The following LARP1 variants were observed in gnomAD, a reference collection of about 807,000 sequenced individuals.
The protein encoded by LARP1 is La ribonucleoprotein 1, translational regulator, also known as la-related protein 1.
In LARP1, 36 loss-of-function variants were observed where a neutral mutation model predicts 122.7. The observed-to-expected ratio is 0.29, with a 90% confidence interval of 0.22 to 0.39. The LOEUF (loss-of-function observed/expected upper bound fraction) is 0.39. LARP1 is among the 10% of genes least tolerant of loss of function. LARP1 has a pLI of 1.00. For synonymous variants in LARP1, 539 were observed against 528.7 expected, an observed-to-expected ratio of 1.02 and a Z score of -0.27; for missense variants, 1,040 against 1,403.6, an observed-to-expected ratio of 0.74 and a Z score of 4.14.
At chr5:154,749,804 TG>T (rs1582275636) in intron 1 of LARP1, among the ~76,000 whole-genome samples, 1 of 152,256 alleles carries the variant, frequency 6.6e-6, no homozygotes, top group African/African-American at 2.4e-5. Context: ...CAAGGCTCTT[TG>T]GAAAACCCAA....
At position 154,811,601 on chromosome 5, in the gene LARP1, C is replaced by T. The variant is rs1759279026; in HGVS notation, c.3042C>T (p.Tyr1014=). 6.2e-7 allele frequency: 1 copy of T among 1,614,190 alleles called. No individual in the cohort carries two copies. Among genetic ancestry groups the T allele is most frequent in the African/African-American group, 1.3e-5 (1 of 75,048 alleles). The change falls in exon 18 of 19, where the codon TAC becomes TAT. Residue 1014 remains tyrosine, a synonymous_variant. Transcript: ENST00000518297. ...ACATTGACCCCAAACTGCAAGAATA[C>T]CTCGGCAAATTCCGACGTCTTGAAG... is the stretch of plus-strand genomic sequence containing the variant. ...NLDIDPKLQE[Y]LGKFRRLEDF...
chr5:154,804,952 A>G, intron 14 of LARP1: 1 of 455,908 alleles, frequency 2.2e-6, no homozygotes. Context: ...AGCTGCACAC[A>G]GTTGAAAATC....
At chr5:154,759,917 AAGTT>A (rs1366992750) in intron 1 of LARP1, among the ~76,000 whole-genome samples, 2 of 142,526 alleles carry the variant, frequency 1.4e-5, no homozygotes, top group Non-Finnish European at 3.1e-5. Context: ...AGGCTGGGCT[AAGTT>A]TGTTTGTTTG....
intron 18 of LARP1, 106 bp downstream of exon 18, chr5:154,811,746 C>G (rs1759295825): frequency 7.5e-7 from 1 of 1,331,570 alleles, no homozygotes; most frequent in Admixed American, 2.0e-5. Context: ...CCAGGAACCC[C>G]TCTCCCTGCT....
At chr5:154,773,017 GT>G (rs1397072666) in intron 1 of LARP1, among the ~76,000 whole-genome samples, 1 of 120,506 alleles carries the variant, frequency 8.3e-6, no homozygotes, top group Admixed American at 9.9e-5. Context: ...AGACCTTGCT[GT>G]TCTATCCTTT....
intron 1 of LARP1, among the ~76,000 whole-genome samples, chr5:154,688,238 G>A (rs1754027254): frequency 1.3e-5 from 2 of 152,018 alleles, no homozygotes; most frequent in Admixed American, 6.5e-5. Context: ...CCGGGGAGGG[G>A]GTGTGCTGTG....
rs112379773 is a variant in LARP1 at position 154,687,660 on chromosome 5, C to G, written c.-180+4623C>G. Among the ~76,000 whole-genome samples the G allele has an allele frequency of 8.3e-3, 1,267 of 152,258 alleles. 3 individuals carry two copies. The highest frequency in any genetic ancestry group is 0.012 in the South Asian group (60 of 4,824). Reference sequence around the variant, plus strand: ...CCTCCCAAAGTGCTGGGATTACAGGCGTGAGCCACTGCGCCCGGCCTGTAT... The same window carrying G: ...CCTCCCAAAGTGCTGGGATTACAGGGGTGAGCCACTGCGCCCGGCCTGTAT... On this transcript the variant is annotated intron_variant, in intron 1 of 18. Transcript: ENST00000687700.
At chr5:154,697,770 GA>G (rs1258506467) in intron 1 of LARP1, among the ~76,000 whole-genome samples, 1 of 152,152 alleles carries the variant, frequency 6.6e-6, no homozygotes, top group Non-Finnish European at 1.5e-5. Flanking sequence ...GTGCAGGGGG[GA>G]TAGAAAGACT....
At chr5:154,706,171 T>C (rs1044057098) in intron 1 of LARP1, among the ~76,000 whole-genome samples, 1 of 152,002 alleles carries the variant, frequency 6.6e-6, no homozygotes, top group Non-Finnish European at 1.5e-5. Context: ...GGCAGGGACC[T>C]ATAATCCCAG....
intron 1 of LARP1, among the ~76,000 whole-genome samples, chr5:154,690,038 C>A (rs1414691039): frequency 2.6e-5 from 4 of 151,388 alleles, no homozygotes; most frequent in African/African-American, 9.7e-5. Context: ...CAGACTCTGT[C>A]TCCAAAAAAA....
rs1424265361 is a variant in LARP1, at chr5:154,816,664, A to C, written c.*2568A>C. 6.5e-6 allele frequency: 1 copy of C among 152,674 alleles called. No homozygotes were observed. Among genetic ancestry groups the C allele is most frequent in the East Asian group, 1.9e-4 (1 of 5,200 alleles). 9.5% of individuals were successfully genotyped at this position (152,674 alleles called of 1,614,324 possible). A position where few individuals can be genotyped will look rare whatever the true frequency, so the allele number is the denominator to read the frequency against. ...GATGTATCTGTGACAAGCATGCCAGAAGTGGCAGGGGCCATCAGGGCTAAC... is the reference window on the plus strand; with the variant it reads ...GATGTATCTGTGACAAGCATGCCAGCAGTGGCAGGGGCCATCAGGGCTAAC... On this transcript the variant is annotated 3_prime_UTR_variant, in exon 19 of 19. Transcript: ENST00000518297.
At chr5:154,722,249 A>G (rs1755917583) in intron 1 of LARP1, among the ~76,000 whole-genome samples, 2 of 151,380 alleles carry the variant, frequency 1.3e-5, no homozygotes, top group African/African-American at 4.9e-5. Context: ...CAGCATCCCT[A>G]CCTCCTCCTG....
chr5:154,765,271 G>A (rs942082003), intron 1 of LARP1, among the ~76,000 whole-genome samples: 4 of 152,172 alleles, frequency 2.6e-5, no homozygotes, highest in East Asian at 1.9e-4. Flanking sequence ...TGCTCTTCCC[G>A]CAGATCACTG....
At chr5:154,776,237 C>T (rs1354079733) in intron 1 of LARP1, among the ~76,000 whole-genome samples, 1 of 152,204 alleles carries the variant, frequency 6.6e-6, no homozygotes, top group East Asian at 1.9e-4. Flanking sequence ...GAGGCAAAAG[C>T]AGGTGGACAA....
intron 10 of LARP1, 81 bp downstream of exon 10, chr5:154,800,123 C>T: frequency 7.7e-7 from 1 of 1,305,250 alleles, no homozygotes; most frequent in Non-Finnish European, 1.1e-6. Context: ...GGGCACAGCA[C>T]TCTAGCTCTG....
rs796146903 is a variant in LARP1 at position 154,715,518 on chromosome 5, C to T, written c.205+2388C>T. On this transcript the variant is annotated intron_variant, in intron 1 of 18. Transcript: ENST00000336314. The stretch of plus-strand genomic sequence containing the variant: ...TCGGCTTCTCAAAGTGCTGGGATTA[C>T]AGGCATGAGCCACCGTGCCCGACCA... Among the ~76,000 whole-genome samples, 15 of 152,230 alleles carry T rather than the reference C, an allele frequency of 9.9e-5. 1 individual carries two copies. The highest frequency in any genetic ancestry group is 3.1e-4 in the African/African-American group (13 of 41,546).
Position 154,790,844 on chromosome 5 carries a change from T to TC in LARP1, c.564+134_564+135insC. 3.7e-6 allele frequency: 3 copies of TC among 810,820 alleles called. No individual in the cohort carries two copies. The South Asian group carries it at 5.1e-5, about 14-fold the overall frequency. The allele number at this position is 810,820 out of a possible 1,614,324, so 50.2% of individuals were successfully genotyped here. A position where few individuals can be genotyped will look rare whatever the true frequency, so the allele number is the denominator to read the frequency against. On this transcript the variant is annotated intron_variant, in intron 3 of 18. Transcript: ENST00000518297. ...TTTCTTTTTTTTCCCCCCAACAGAG[T>TC]TTCACTCTTTTTGCCCAGGTTGGAG...
chr5:154,798,580 C>T (rs1344669999), intron 8 of LARP1, among the ~76,000 whole-genome samples: 2 of 151,654 alleles, frequency 1.3e-5, no homozygotes, highest in Non-Finnish European at 2.9e-5. Flanking sequence ...GGAGTTAGTA[C>T]AGTGGTGTTA....
At chr5:154,723,003 C>T (rs553013884) in intron 1 of LARP1, among the ~76,000 whole-genome samples, 1 of 152,180 alleles carries the variant, frequency 6.6e-6, no homozygotes, top group Non-Finnish European at 1.5e-5. Context: ...TTTAACTCTT[C>T]TCTGCTTCAG....
Sources: gnomAD v4.1 joint callset for allele counts (sites outside exome capture counted in the v4.1 genomes callset) on GRCh38, gnomAD v4.1.1 for gene constraint, MANE v1.5 for transcripts, NCBI Gene and HGNC (gene_info 2026-07-23, HGNC 2026-07-21) for gene names.